The following ENTREP2 variants were observed in gnomAD, a reference collection of about 807,000 sequenced individuals.
ENTREP2 encodes endosomal transmembrane epsin interactor 2, also known as protein ENTREP2.
chr15:29,141,143 A>G, the ENTREP2 span, among the ~76,000 whole-genome samples: 2 of 152,224 alleles, frequency 1.3e-5, no homozygotes, highest in East Asian at 3.9e-4. Flanking sequence ...CCCAAAGCCC[A>G]CTTAACACAG....
the ENTREP2 span, among the ~76,000 whole-genome samples, chr15:29,591,832 G>GAGGAGAAGAAGAAGAAGA: frequency 1.6e-4 from 23 of 140,206 alleles, no homozygotes; most frequent in Non-Finnish European, 3.4e-4. Flanking sequence ...CATCTCAAAA[G>GAGGAGAAGAAGAAGAAGA]AGAAGAAGAA....
chr15:29,348,952 C>T, the ENTREP2 span, among the ~76,000 whole-genome samples: 3 of 152,248 alleles, frequency 2.0e-5, no homozygotes, highest in Non-Finnish European at 4.4e-5. Flanking sequence ...GATCACTCAG[C>T]ATCTGAGACC....
At chr15:29,606,237 TC>T in the ENTREP2 span, among the ~76,000 whole-genome samples, 1 of 145,470 alleles carries the variant, frequency 6.9e-6, no homozygotes, top group East Asian at 2.0e-4. Context: ...TTCTTTTCCT[TC>T]TTTTTTTTTT....
At chr15:29,211,674 G>C in the ENTREP2 span, among the ~76,000 whole-genome samples, 1 of 152,148 alleles carries the variant, frequency 6.6e-6, no homozygotes, top group African/African-American at 2.4e-5. Context: ...TTTGCCGAGA[G>C]TTTTAATCAT....
At chr15:29,541,697 G>A in the ENTREP2 span, among the ~76,000 whole-genome samples, 1 of 152,172 alleles carries the variant, frequency 6.6e-6, no homozygotes, top group South Asian at 2.1e-4. Flanking sequence ...CTTAAAATGG[G>A]AGGGAACAGG....
At chr15:29,584,715 A>G in the ENTREP2 span, among the ~76,000 whole-genome samples, 30 of 152,290 alleles carry the variant, frequency 2.0e-4, no homozygotes, top group South Asian at 6.2e-3. Flanking sequence ...TTCACTTATA[A>G]GATGAGTAAG....
At chr15:29,287,400 A>AAAAAAAAAAAAG in the ENTREP2 span, among the ~76,000 whole-genome samples, 16 of 91,354 alleles carry the variant, frequency 1.8e-4, no homozygotes, top group Non-Finnish European at 2.1e-4. Flanking sequence ...AAAAAAAAGA[A>AAAAAAAAAAAAG]AAAAAAAAAA....
chr15:29,377,713 C>T, the ENTREP2 span, among the ~76,000 whole-genome samples: 1 of 151,680 alleles, frequency 6.6e-6, no homozygotes, highest in African/African-American at 2.4e-5. Flanking sequence ...CCCAGCTACT[C>T]AGGCAGCTGA....
chr15:29,243,628 C>T, the ENTREP2 span, among the ~76,000 whole-genome samples: 26 of 152,060 alleles, frequency 1.7e-4, no homozygotes, highest in African/African-American at 5.8e-4. Flanking sequence ...CCTCCCGAGA[C>T]CCCCGGCTCT....
At chr15:29,315,447 T>C in the ENTREP2 span, among the ~76,000 whole-genome samples, 1 of 152,184 alleles carries the variant, frequency 6.6e-6, no homozygotes, top group African/African-American at 2.4e-5. Flanking sequence ...AAAGGGGTCA[T>C]TTAAAATAAT....
the ENTREP2 span, among the ~76,000 whole-genome samples, chr15:29,219,369 G>A: frequency 1.3e-5 from 2 of 151,954 alleles, no homozygotes; most frequent in Admixed American, 6.6e-5. Flanking sequence ...TATGCTGCTG[G>A]TGGGAATGTA....
the ENTREP2 span, among the ~76,000 whole-genome samples, chr15:29,662,174 G>A: frequency 2.3e-5 from 3 of 130,688 alleles, no homozygotes; most frequent in Non-Finnish European, 3.1e-5. Context: ...TCGTGCAACC[G>A]CATTCCAGCC....
At chr15:29,598,560 C>T in the ENTREP2 span, among the ~76,000 whole-genome samples, 1 of 152,156 alleles carries the variant, frequency 6.6e-6, no homozygotes. Flanking sequence ...TTTATCATTG[C>T]ACTGGTAAGA....
At chr15:29,588,109 AG>A in the ENTREP2 span, among the ~76,000 whole-genome samples, 1 of 152,224 alleles carries the variant, frequency 6.6e-6, no homozygotes, top group Non-Finnish European at 1.5e-5. Context: ...AACTGAAACA[AG>A]ACATGAAGGC....
At chr15:29,481,891 G>C in the ENTREP2 span, among the ~76,000 whole-genome samples, 1 of 152,098 alleles carries the variant, frequency 6.6e-6, no homozygotes. Context: ...GGCAGATTTT[G>C]GTTCACAGCA....
At chr15:29,249,062 C>A in the ENTREP2 span, among the ~76,000 whole-genome samples, 2 of 152,202 alleles carry the variant, frequency 1.3e-5, no homozygotes, top group Non-Finnish European at 2.9e-5. Context: ...TGGCTCATGC[C>A]TGTAATCCCA....
the ENTREP2 span, among the ~76,000 whole-genome samples, chr15:29,489,372 G>A: frequency 6.6e-6 from 1 of 152,166 alleles, no homozygotes; most frequent in Non-Finnish European, 1.5e-5. Flanking sequence ...GAACTGCCAA[G>A]GACATGAGTT....
At chr15:29,609,244 T>C in the ENTREP2 span, among the ~76,000 whole-genome samples, 5 of 150,316 alleles carry the variant, frequency 3.3e-5, 2 homozygotes, top group African/African-American at 4.9e-5. Flanking sequence ...ATCTGGTTTA[T>C]TCTTTATAAC....
chr15:29,632,283 G>C, the ENTREP2 span, among the ~76,000 whole-genome samples: 1 of 152,022 alleles, frequency 6.6e-6, no homozygotes, highest in Non-Finnish European at 1.5e-5. Flanking sequence ...TTATTTCCAG[G>C]GTTTTTAGTT....
Sources: gnomAD v4.1 joint callset for allele counts (sites outside exome capture counted in the v4.1 genomes callset) on GRCh38, gnomAD v4.1.1 for gene constraint, MANE v1.5 for transcripts, NCBI Gene and HGNC (gene_info 2026-07-23, HGNC 2026-07-21) for gene names.